LDB2: variants seen among roughly 807,000 people sequenced by gnomAD.
The protein encoded by LDB2 is LIM domain-binding protein 2.
In LDB2, 12 loss-of-function variants were observed where a neutral mutation model predicts 44.3. The ratio of observed to expected loss-of-function variants is 0.27; its 90% confidence interval spans 0.17 to 0.44. The LOEUF is 0.44. Ranked by LOEUF, LDB2 falls within the 20% of genes least tolerant of loss-of-function variation. The pLI is 1.00. For missense variants in LDB2, 344 were observed against 473.5 expected, an observed-to-expected ratio of 0.73 and a Z score of 2.54; for synonymous variants, 164 against 174.8, an observed-to-expected ratio of 0.94 and a Z score of 0.49.
chr4:16,788,983 G>GT (rs1180305041), intron 1 of LDB2, among the ~76,000 whole-genome samples: 27 of 151,518 alleles, frequency 1.8e-4, no homozygotes, highest in East Asian at 1.6e-3. Context: ...ATGCTATGGG[G>GT]TTTTTTTTTC....
chr4:16,888,320 C>T (rs1476690688), intron 1 of LDB2, among the ~76,000 whole-genome samples: 2 of 152,214 alleles, frequency 1.3e-5, no homozygotes, highest in Non-Finnish European at 2.9e-5. Flanking sequence ...GGAGAAAACA[C>T]CAATCACAGC....
chr4:16,545,469 GAC>G (rs1560427937), intron 5 of LDB2, among the ~76,000 whole-genome samples: 1 of 152,158 alleles, frequency 6.6e-6, no homozygotes, highest in Non-Finnish European at 1.5e-5. Flanking sequence ...GAATTGAAAA[GAC>G]ACTTGGAGTG....
intron 1 of LDB2, among the ~76,000 whole-genome samples, chr4:16,821,925 CA>C (rs1165152827): frequency 2.0e-5 from 3 of 151,934 alleles, no homozygotes. Flanking sequence ...AGGTTTTGAA[CA>C]GTTTTCTTTT....
At chr4:16,889,731 G>A (rs2110505515) in intron 1 of LDB2, among the ~76,000 whole-genome samples, 1 of 152,274 alleles carries the variant, frequency 6.6e-6, no homozygotes, top group African/African-American at 2.4e-5. Context: ...AGACAATCAG[G>A]TCCCTGCCCT....
intron 1 of LDB2, among the ~76,000 whole-genome samples, chr4:16,773,537 C>T (rs2109365359): frequency 6.6e-6 from 1 of 152,024 alleles, no homozygotes; most frequent in East Asian, 1.9e-4. Flanking sequence ...AGGGTTTGTG[C>T]TCCTATGGGA....
intron 2 of LDB2, 152 bp from the exon 3 acceptor site, chr4:16,596,027 C>G: frequency 2.8e-6 from 2 of 722,390 alleles, no homozygotes; most frequent in Non-Finnish European, 4.4e-6. Context: ...ACAGCCATGA[C>G]CCTTCTGGGT....
intron 2 of LDB2, among the ~76,000 whole-genome samples, chr4:16,732,364 T>C (rs999617642): frequency 6.6e-6 from 1 of 152,214 alleles, no homozygotes; most frequent in Non-Finnish European, 1.5e-5. Context: ...GAGCTCCAAA[T>C]GTTACTTCAT....
rs535187233 is a variant in LDB2, at chr4:16,894,144, CCTAT to C, written c.132+4206_132+4209del. Among the ~76,000 whole-genome samples the C allele has an allele frequency of 3.4e-4, 52 of 152,146 alleles. 1 individual carries two copies. The South Asian group carries it at 0.01, about 30-fold the overall frequency. On this transcript the variant is annotated intron_variant, in intron 1 of 7. Coordinates refer to ENST00000304523, the MANE Select transcript of LDB2 (RefSeq NM_001290.5). ...AAGTCTTCAGAACATATTTTTATAT[CCTAT>C]CTGACTGTATTGTGTGTACAGTGTT...
chr4:16,653,760 A>C (rs1355528596), intron 2 of LDB2: 1 of 152,220 alleles, frequency 6.6e-6, no homozygotes, highest in Non-Finnish European at 1.5e-5. Flanking sequence ...AGTGGACAAG[A>C]ATGGGAGCCA....
intron 1 of LDB2, among the ~76,000 whole-genome samples, chr4:16,782,560 C>T (rs993630423): frequency 6.6e-6 from 1 of 152,060 alleles, no homozygotes; most frequent in African/African-American, 2.4e-5. Flanking sequence ...CCATATTAGC[C>T]ACGATTGTCT....
At chr4:16,842,237 C>T (rs998942245) in intron 1 of LDB2, among the ~76,000 whole-genome samples, 6 of 152,044 alleles carry the variant, frequency 3.9e-5, no homozygotes, top group Admixed American at 2.6e-4. Flanking sequence ...TAAATACCTC[C>T]GAAGTGCAAA....
chr4:16,559,673 C>G lies in LDB2; in HGVS notation c.615+26249G>C, dbSNP rs1741292727. ...ACAGATCAACGAGACAGAAAGTCAA[C>G]AAGGATACCCAGGAATTGAACTCAG... is the stretch of plus-strand genomic sequence containing the variant. On this transcript the variant is annotated intron_variant, in intron 5 of 7. Transcript: ENST00000304523. Among the ~76,000 whole-genome samples, 7 of 152,056 alleles carry G rather than the reference C, an allele frequency of 4.6e-5. No individual in the cohort carries two copies. The South Asian group carries it at 1.2e-3, about 27-fold the overall frequency.
chr4:16,884,265 T>A (rs1445300722), intron 1 of LDB2, among the ~76,000 whole-genome samples: 1 of 152,224 alleles, frequency 6.6e-6, no homozygotes, highest in Non-Finnish European at 1.5e-5. Flanking sequence ...CTCATTAAAT[T>A]CCCTAAAACA....
intron 2 of LDB2, among the ~76,000 whole-genome samples, chr4:16,653,051 G>T (rs1426542637): frequency 6.6e-6 from 1 of 152,186 alleles, no homozygotes; most frequent in Non-Finnish European, 1.5e-5. Flanking sequence ...GCTGCCAGGA[G>T]CTTGAGCCAA....
intron 5 of LDB2, among the ~76,000 whole-genome samples, chr4:16,548,852 C>CAA (rs1248513017): frequency 6.6e-6 from 1 of 152,106 alleles, no homozygotes; most frequent in Non-Finnish European, 1.5e-5. Context: ...AGGAAAACAG[C>CAA]AAAGTGTGCT....
chr4:16,618,127 AT>A (rs535153874), intron 2 of LDB2, among the ~76,000 whole-genome samples: 1 of 152,152 alleles, frequency 6.6e-6, no homozygotes, highest in African/African-American at 2.4e-5. Flanking sequence ...CTATTACAGC[AT>A]TTTTCACACT....
At chr4:16,863,397 A>T (rs976613839) in intron 1 of LDB2, among the ~76,000 whole-genome samples, 2 of 152,174 alleles carry the variant, frequency 1.3e-5, no homozygotes, top group Non-Finnish European at 2.9e-5. Context: ...GGTTTGAGCC[A>T]GGGAATTTGT....
At chr4:16,586,130 C>G in intron 4 of LDB2, 125 bp from the exon 5 acceptor site, 1 of 694,440 alleles carries the variant, frequency 1.4e-6, no homozygotes. Context: ...GGAGGGCAGG[C>G]TGCTGGAGGT....
chr4:16,641,955 G>C (rs1342982004), intron 2 of LDB2, among the ~76,000 whole-genome samples: 1 of 152,146 alleles, frequency 6.6e-6, no homozygotes, highest in Non-Finnish European at 1.5e-5. Flanking sequence ...TAACTAAAGT[G>C]GGGGAGGGGG....
Sources: gnomAD v4.1 joint callset for allele counts (sites outside exome capture counted in the v4.1 genomes callset) on GRCh38, gnomAD v4.1.1 for gene constraint, MANE v1.5 for transcripts, NCBI Gene and HGNC (gene_info 2026-07-23, HGNC 2026-07-21) for gene names.